LRP1: variants seen among roughly 807,000 people sequenced by gnomAD.
LRP1 encodes prolow-density lipoprotein receptor-related protein 1.
A neutral mutation model predicts 541.5 loss-of-function variants in LRP1; 51 were observed. That is an observed-to-expected ratio of 0.09 (90% CI 0.08 to 0.12). The LOEUF is 0.12. LRP1 is among the 10% of genes least tolerant of loss of function. LRP1 has a pLI of 1.00. For missense variants in LRP1, 3,878 were observed against 6,376.2 expected, an observed-to-expected ratio of 0.61 and a Z score of 13.34; for synonymous variants, 2,219 against 2,470.8, an observed-to-expected ratio of 0.90 and a Z score of 3.02.
In LRP1 at chr12:57,186,142, G is replaced by A. The variant is rs151191631; in HGVS notation, c.6841+234G>A. Among the ~76,000 whole-genome samples the A allele has an allele frequency of 1.6e-4, 24 of 152,306 alleles. No individual in the cohort carries two copies. The East Asian group carries it at 3.9e-3, about 24-fold the overall frequency. On this transcript the variant is annotated intron_variant, in intron 41 of 88. Transcript: ENST00000243077. ...GCCTTCAGAGCTGCACAGAACAAGC[G>A]AGAGGTCTCTGTGGAGCCCAACGCT... is the stretch of plus-strand genomic sequence containing the variant.
rs1330149123 is a variant in LRP1, at chr12:57,197,434, C to T, written c.9162+50C>T. The stretch of plus-strand genomic sequence containing the variant: ...CGCTGCCCATCTCCCAGACCCAGCA[C>T]AGCCTCCCTTGCAAGTCTCCCCGCT... On this transcript the variant is annotated intron_variant, in intron 57 of 88. Transcript: ENST00000243077. The surrounding 1 kb of genome is among the most constrained non-coding windows in gnomAD (Gnocchi z 4.5). 1 of 1,609,900 alleles carries T rather than the reference C, an allele frequency of 6.2e-7. No homozygotes were observed.
Position 57,193,221 on chromosome 12 carries a change from A to G in LRP1, c.7601A>G (p.Asn2534Ser), listed in dbSNP as rs375170732. The change falls in exon 46 of 89, where the codon AAT becomes AGT. Residue 2534 changes from asparagine to serine, a missense_variant. Physicochemically the swap from Asn to Ser is conservative, Grantham distance 46. This residue lies in a region of LRP1 where 1,100 missense variants were observed against 1,827.4 expected (regional missense o/e 0.60). Coordinates refer to ENST00000243077, the MANE Select transcript of LRP1 (RefSeq NM_002332.3). ...CRAQDEFECANGECINFSLTC... is the reference protein window; with the variant it reads ...CRAQDEFECASGECINFSLTC... ...GCACAAGATGAGTTTGAGTGTGCCAATGGCGAGTGCATCAACTTCAGCCTG... is the reference window on the plus strand; with the variant it reads ...GCACAAGATGAGTTTGAGTGTGCCAGTGGCGAGTGCATCAACTTCAGCCTG... 1.4e-5 allele frequency: 22 copies of G among 1,614,126 alleles called. No homozygotes were observed. In the African/African-American group the frequency reaches 1.9e-4, roughly 14 times the overall value.
At position 57,158,660 on chromosome 12, in the gene LRP1, G is replaced by T. The variant is rs1317461490; in HGVS notation, c.1798+22G>T. 5 of 1,607,642 alleles carry T rather than the reference G, an allele frequency of 3.1e-6. No individual in the cohort carries two copies. The South Asian group carries it at 4.4e-5, about 14-fold the overall frequency. ...GACGGTATGGGCTCCTAGGGATGTG[G>T]CCCATGGGGATGGAAGGGGGCTGGG... On this transcript the variant is annotated intron_variant, in intron 11 of 88. Coordinates refer to ENST00000243077, the MANE Select transcript of LRP1 (RefSeq NM_002332.3). This position sits in a 1 kb window ranked among gnomAD's most constrained non-coding sequence, Gnocchi z 5.3.
rs369617222 is a variant in LRP1, at chr12:57,204,519, C to T, written c.11061C>T (p.Pro3687=). The change falls in exon 71 of 89, where the codon CCC becomes CCT. Residue 3687 remains proline, a synonymous_variant. Transcript: ENST00000243077. This position sits in a 1 kb window ranked among gnomAD's most constrained non-coding sequence, Gnocchi z 5.3. ...GTGGGGACAACTCAGATGAGAACCCCGAGGAGTGTGGTGAGATTTGGGGCG... is the reference window on the plus strand; with the variant it reads ...GTGGGGACAACTCAGATGAGAACCCTGAGGAGTGTGGTGAGATTTGGGGCG... ...DDCGDNSDEN[P]EECARFVCPP... 64 of 1,602,536 alleles carry T rather than the reference C, an allele frequency of 4.0e-5. 1 individual carries two copies. The Middle Eastern group carries it at 5.0e-4, about 13-fold the overall frequency.
intron 55 of LRP1, 94 bp downstream of exon 55, chr12:57,196,371 T>C: frequency 8.3e-7 from 1 of 1,199,360 alleles, no homozygotes. Context: ...CCCTAGACAG[T>C]GGGGATACAG....
intron 1 of LRP1, among the ~76,000 whole-genome samples, chr12:57,137,241 C>CA (rs34702781): frequency 0.38 from 38,690 of 100,710 alleles, 6,079 homozygotes; most frequent in Admixed American, 0.49. Context: ...AACTCTGTCT[C>CA]AAAAAAAAAA....
rs371302616 is a variant in LRP1 at position 57,209,169 on chromosome 12, G to A, written c.12232G>A (p.Asp4078Asn). The change falls in exon 79 of 89, where the codon GAC becomes AAC. Residue 4078 changes from aspartate (D) to asparagine (N), a missense_variant. By Grantham distance (23) the Asp-to-Asn change is conservative. Transcript: ENST00000243077. ...VIGSIRLNGT[D>N]PIVAADSKRG... ...CGGCAGCATCCGGCTCAATGGCACG[G>A]ACCCCATTGTGGCTGCTGACAGCAA... 6 of 1,613,866 alleles carry A rather than the reference G, an allele frequency of 3.7e-6. No individual in the cohort carries two copies. The highest frequency in any genetic ancestry group is 5.1e-6 in the Non-Finnish European group (6 of 1,179,988).
Position 57,162,859 on chromosome 12 carries a change from T to C in LRP1, c.2406T>C (p.Val802=). Residue 802 remains valine (V), a splice_region_variant and synonymous_variant, in exon 15 of 89, where the codon GTT becomes GTC. Transcript: ENST00000243077. The surrounding 1 kb of genome is among the most constrained non-coding windows in gnomAD (Gnocchi z 5.2). ...TTTCCCCATGGCCCTTCCCCACAGT[T>C]GGCACCAACAAATGCCGGGTGAACA... ...IRMYDAQQQQ[V]GTNKCRVNNG... The C allele has an allele frequency of 6.2e-7, 1 of 1,608,732 alleles. No homozygotes were observed. Among genetic ancestry groups the C allele is most frequent in the African/African-American group, 1.3e-5 (1 of 74,996 alleles).
chr12:57,202,872 A>G (rs2036686114), intron 68 of LRP1: 3 of 530,806 alleles, frequency 5.7e-6, no homozygotes, highest in Admixed American at 3.2e-5. Flanking sequence ...ACCTCTCCCC[A>G]AACCCTGGTG....
intron 42 of LRP1, among the ~76,000 whole-genome samples, chr12:57,190,438 G>A (rs1282621968): frequency 6.6e-6 from 1 of 152,250 alleles, no homozygotes; most frequent in East Asian, 1.9e-4. Context: ...GAGGCACAGG[G>A]CAGTTGAGTA....
chr12:57,166,144 G>A lies in LRP1; in HGVS notation c.2732G>A (p.Arg911His). Residue 911 changes from arginine (R) to histidine (H), a missense_variant, in exon 17 of 89, where the codon CGC becomes CAC. Physicochemically the swap from Arg to His is conservative, Grantham distance 29 (BLOSUM62 0). Transcript: ENST00000243077. Reference protein sequence around the residue: ...KCENNRCIPNRWLCDGDNDCG... With the variant: ...KCENNRCIPNHWLCDGDNDCG... ...GAGAACAACCGGTGCATCCCCAACCGCTGGCTCTGCGACGGGGACAATGAC... is the reference window on the plus strand; with the variant it reads ...GAGAACAACCGGTGCATCCCCAACCACTGGCTCTGCGACGGGGACAATGAC... The A allele has an allele frequency of 6.2e-7, 1 of 1,614,138 alleles. No homozygotes were observed. Among genetic ancestry groups the A allele is most frequent in the Non-Finnish European group, 8.5e-7 (1 of 1,180,016 alleles).
Position 57,210,057 on chromosome 12 carries a change from C to A in LRP1, c.12468C>A (p.Cys4156Ter), listed in dbSNP as rs139325466. The A allele has an allele frequency of 6.2e-7, 1 of 1,612,014 alleles. No homozygotes were observed. Among genetic ancestry groups the A allele is most frequent in the Non-Finnish European group, 8.5e-7 (1 of 1,178,968 alleles). ...EVTNPCDRKK[C>*]EWLCLLSPSG... ...CCAACCCATGTGACCGCAAGAAATG[C>A]GAGTGGCTCTGCCTGCTGAGCCCCA... Residue 4156 changes from cysteine (C) to a stop codon, truncating the protein, a stop_gained, in exon 81 of 89, where the codon TGC (cysteine) becomes TGA (stop). Coordinates refer to ENST00000243077, the MANE Select transcript of LRP1 (RefSeq NM_002332.3). LOFTEE classifies it high-confidence loss of function.
At chr12:57,164,202 C>T (rs1442110536) in intron 15 of LRP1, among the ~76,000 whole-genome samples, 2 of 152,088 alleles carry the variant, frequency 1.3e-5, no homozygotes, top group Non-Finnish European at 2.9e-5. Context: ...AATAAGTAAA[C>T]AGTATAGAAA....
At chr12:57,171,253 G>A (rs987933665) in intron 20 of LRP1, among the ~76,000 whole-genome samples, 4 of 152,218 alleles carry the variant, frequency 2.6e-5, no homozygotes, top group Admixed American at 2.0e-4. Context: ...GAGGAGCAGG[G>A]TGTCACTATT....
In LRP1 at chr12:57,189,937, C is replaced by T. The variant is rs1315984318; in HGVS notation, c.7032-868C>T. Among the ~76,000 whole-genome samples, 1 of 152,114 alleles carries T rather than the reference C, an allele frequency of 6.6e-6. No homozygotes were observed. The highest frequency in any genetic ancestry group is 1.5e-5 in the Non-Finnish European group (1 of 68,002). On this transcript the variant is annotated intron_variant, in intron 42 of 88. Coordinates refer to ENST00000243077, the MANE Select transcript of LRP1 (RefSeq NM_002332.3). The surrounding 1 kb of genome is among the most constrained non-coding windows in gnomAD (Gnocchi z 4.4). The stretch of plus-strand genomic sequence containing the variant: ...TGGTCCAAGGACCACTCTGTCACAC[C>T]CAGGGTAGTGCATGACCAGCCCTGA...
At chr12:57,170,674 A>C (rs2035927487) in intron 20 of LRP1, among the ~76,000 whole-genome samples, 1 of 152,140 alleles carries the variant, frequency 6.6e-6, no homozygotes, top group Non-Finnish European at 1.5e-5. Flanking sequence ...AAACAAAATT[A>C]GCTGGGCATG....
chr12:57,173,051 A>T lies in LRP1; in HGVS notation c.3164-117A>T. ...GTCAGCAAAGCTTGGCAGACTCTCC[A>T]GGCCTGCCTCTGCTCATATCCCCAG... On this transcript the variant is annotated intron_variant, in intron 20 of 88. Coordinates refer to ENST00000243077, the MANE Select transcript of LRP1 (RefSeq NM_002332.3). The surrounding 1 kb of genome is among the most constrained non-coding windows in gnomAD (Gnocchi z 4.7). The T allele has an allele frequency of 1.3e-6, 1 of 786,526 alleles. No individual in the cohort carries two copies. The highest frequency in any genetic ancestry group is 2.0e-6 in the Non-Finnish European group (1 of 503,432). The allele number at this position is 786,526 out of a possible 1,614,324, so 48.7% of individuals were successfully genotyped here.
intron 55 of LRP1, among the ~76,000 whole-genome samples, chr12:57,196,716 C>G (rs1229782906): frequency 6.6e-6 from 1 of 152,176 alleles, no homozygotes; most frequent in South Asian, 2.1e-4. Flanking sequence ...AGCAGAAGAG[C>G]CTGAGAAGGA....
intron 1 of LRP1, 142 bp from the exon 2 acceptor site, chr12:57,138,317 C>A: frequency 2.0e-6 from 2 of 1,004,846 alleles, no homozygotes; most frequent in Non-Finnish European, 2.9e-6. Context: ...CCCCTGACAC[C>A]CCCAGGCACA....
Sources: gnomAD v4.1 joint callset for allele counts (sites outside exome capture counted in the v4.1 genomes callset) on GRCh38, gnomAD v4.1.1 for gene constraint, gnomAD v4.1.1 regional missense constraint, Gnocchi (gnomAD v3.1) non-coding constraint, MANE v1.5 for transcripts, NCBI Gene and HGNC (gene_info 2026-07-23, HGNC 2026-07-21) for gene names.